The following CACNA1D variants were observed in gnomAD, a reference collection of about 807,000 sequenced individuals.
CACNA1D encodes the protein calcium voltage-gated channel subunit alpha1 D, also known as voltage-dependent L-type calcium channel subunit alpha-1D.
A neutral mutation model predicts 257.1 loss-of-function variants in CACNA1D; 55 were observed. That is an observed-to-expected ratio of 0.21 (90% CI 0.17 to 0.27). CACNA1D has a LOEUF of 0.27. Among genes scored for constraint, CACNA1D ranks in the 10% least tolerant of loss-of-function variants. The probability of loss-of-function intolerance (pLI) is 1.00; values close to 1 mark genes in which losing one functional copy is unlikely to be tolerated. For synonymous variants in CACNA1D, 980 were observed against 1,014.9 expected (o/e 0.97, Z 0.65); for missense variants, 1,876 against 2,784.0 (o/e 0.67, Z 7.34).
At position 53,811,235 on chromosome 3, in the gene CACNA1D, C is replaced by G; in HGVS notation, c.6315C>G (p.Thr2105=). The G allele has an allele frequency of 1.2e-6, 2 of 1,614,068 alleles. No individual in the cohort carries two copies. The highest frequency in any genetic ancestry group is 1.7e-6 in the Non-Finnish European group (2 of 1,180,016). The change falls in exon 48 of 48, where the codon ACC becomes ACG. Residue 2105 remains threonine, a synonymous_variant. Transcript: ENST00000350061. The surrounding 1 kb of genome is among the most constrained non-coding windows in gnomAD (Gnocchi z 4.2). ...ACGAGATGGAGAGTGCAGCCAGCACCCTGCTTAATGGGAACGTGCGTCCCC... is the reference window on the plus strand; with the variant it reads ...ACGAGATGGAGAGTGCAGCCAGCACGCTGCTTAATGGGAACGTGCGTCCCC... The part of the protein sequence containing the change: ...TIDEMESAAS[T]LLNGNVRPRA...
Position 53,811,049 on chromosome 3 carries a change from T to C in CACNA1D, c.6193-64T>C, listed in dbSNP as rs1214568898. The C allele has an allele frequency of 7.6e-7, 1 of 1,318,870 alleles. No homozygotes were observed. Among genetic ancestry groups the C allele is most frequent in the Middle Eastern group, 1.8e-4 (1 of 5,536 alleles). The allele number at this position is 1,318,870 out of a possible 1,614,324, so 81.7% of individuals were successfully genotyped here. On this transcript the variant is annotated intron_variant, in intron 47 of 47. Coordinates refer to ENST00000350061, the MANE Select transcript of CACNA1D (RefSeq NM_001128840.3). The surrounding 1 kb of genome is among the most constrained non-coding windows in gnomAD (Gnocchi z 4.2). ...GTTAGCACTGGAGTTGATTTTTCTG[T>C]CGTCCCCCTGCCCTGCAAAGCCTTA... is the stretch of plus-strand genomic sequence containing the variant.
intron 10 of CACNA1D, 85 bp downstream of exon 10, chr3:53,718,473 G>A: frequency 7.7e-7 from 1 of 1,301,586 alleles, no homozygotes; most frequent in East Asian, 2.4e-5. Flanking sequence ...GGCTGCAGCA[G>A]AGCCCCGGGC....
chr3:53,794,396 A>G (rs1436205461), intron 40 of CACNA1D, among the ~76,000 whole-genome samples: 3 of 152,084 alleles, frequency 2.0e-5, no homozygotes, highest in Admixed American at 1.3e-4. Context: ...GAGATCTTGG[A>G]AGGGCACATA....
chr3:53,690,260 G>A (rs7636496), intron 8 of CACNA1D, among the ~76,000 whole-genome samples: 2,172 of 152,312 alleles, frequency 0.014, 53 homozygotes, highest in African/African-American at 0.049. Flanking sequence ...GTCTGTGCTC[G>A]TACATCCTCA....
chr3:53,595,815 ATG>A (rs2093362793), intron 3 of CACNA1D, among the ~76,000 whole-genome samples: 1 of 152,218 alleles, frequency 6.6e-6, no homozygotes, highest in Non-Finnish European at 1.5e-5. Context: ...TCTAGTCTTC[ATG>A]AGGACATGTG....
chr3:53,686,188 TCAGAATCGCAAA>T (rs1186393529), intron 8 of CACNA1D, among the ~76,000 whole-genome samples: 62 of 152,128 alleles, frequency 4.1e-4, no homozygotes, highest in South Asian at 1.0e-3. Context: ...TAAATGGAAT[TCAGAATCGCAAA>T]CAGAATCGCA....
At chr3:53,582,745 A>G (rs1395288452) in intron 3 of CACNA1D, among the ~76,000 whole-genome samples, 1 of 152,114 alleles carries the variant, frequency 6.6e-6, no homozygotes, top group Non-Finnish European at 1.5e-5. Flanking sequence ...GTCCAATGCT[A>G]TTGGTGCAAG....
intron 3 of CACNA1D, among the ~76,000 whole-genome samples, chr3:53,542,322 G>A (rs1313692597): frequency 6.6e-6 from 1 of 151,988 alleles, no homozygotes; most frequent in Non-Finnish European, 1.5e-5. Context: ...GCTCGTGCCT[G>A]TAATCCCAGC....
At chr3:53,520,886 CTTTCTTTCT>C (rs1370352910) in intron 3 of CACNA1D, among the ~76,000 whole-genome samples, 40 of 87,530 alleles carry the variant, frequency 4.6e-4, no homozygotes, top group East Asian at 1.8e-3. Flanking sequence ...TTCTTTCTTT[CTTTCTTTCT>C]TTTCTTTTCT....
At chr3:53,672,331 G>A (rs942477599) in intron 7 of CACNA1D, among the ~76,000 whole-genome samples, 7 of 152,196 alleles carry the variant, frequency 4.6e-5, no homozygotes, top group Non-Finnish European at 7.4e-5. Context: ...CAAAGAGCCC[G>A]TGGCTTGTGT....
At chr3:53,572,362 GT>G (rs1451533456) in intron 3 of CACNA1D, among the ~76,000 whole-genome samples, 5 of 45,550 alleles carry the variant, frequency 1.1e-4, no homozygotes, top group African/African-American at 1.8e-4. Flanking sequence ...CCTCTGGTTT[GT>G]TTGTTTGTTT....
chr3:53,688,335 G>C (rs2094491390), intron 8 of CACNA1D, among the ~76,000 whole-genome samples: 1 of 152,194 alleles, frequency 6.6e-6, no homozygotes, highest in Admixed American at 6.5e-5. Flanking sequence ...CAAAGGCAGG[G>C]GTCAGAAGTG....
chr3:53,775,829 A>G, intron 34 of CACNA1D, 57 bp from the exon 35 acceptor site: 2 of 1,552,658 alleles, frequency 1.3e-6, no homozygotes, highest in South Asian at 2.2e-5. Context: ...CCTAAGATCT[A>G]AGCTTCAAAT....
chr3:53,673,221 GC>G lies in CACNA1D; in HGVS notation c.1220+97del. 1 of 797,212 alleles carries G rather than the reference GC, an allele frequency of 1.3e-6. No homozygotes were observed. The highest frequency in any genetic ancestry group is 2.1e-6 in the Non-Finnish European group (1 of 473,402). 49.4% of individuals were successfully genotyped at this position (797,212 alleles called of 1,614,324 possible). On this transcript the variant is annotated intron_variant, in intron 8 of 47. Coordinates refer to ENST00000350061, the MANE Select transcript of CACNA1D (RefSeq NM_001128840.3). The surrounding 1 kb of genome is among the most constrained non-coding windows in gnomAD (Gnocchi z 4.1). ...TGGATGAGGGCCGCCAAGAGGGGTT[GC>G]CAGACATTTTATGTGTCCTCTGAGA...
intron 23 of CACNA1D, among the ~76,000 whole-genome samples, chr3:53,745,327 G>A (rs1481881057): frequency 2.0e-5 from 3 of 148,874 alleles, no homozygotes; most frequent in African/African-American, 7.5e-5. Flanking sequence ...TACAACCTCT[G>A]CCTCCTGGGG....
Position 53,722,379 on chromosome 3 carries a change from C to T in CACNA1D, c.1571C>T (p.Thr524Met), listed in dbSNP as rs756586931. The change falls in exon 12 of 48, where the codon ACG becomes ATG. Residue 524 changes from threonine to methionine, a missense_variant. Around this residue, in one of 10 missense-constraint regions of CACNA1D, gnomAD observed 257 missense variants for 399.7 expected, o/e 0.64. Coordinates refer to ENST00000350061, the MANE Select transcript of CACNA1D (RefSeq NM_001128840.3). Reference protein sequence around the residue: ...RRCRAAVKSVTFYWLVIVLVF... With the variant: ...RRCRAAVKSVMFYWLVIVLVF... ...TGTAGGGCCGCCGTGAAGTCTGTCA[C>T]GTTTTACTGGCTGGTTATCGTCCTG... 3.1e-6 allele frequency: 5 copies of T among 1,614,098 alleles called. No homozygotes were observed. The highest frequency in any genetic ancestry group is 1.3e-5 in the African/African-American group (1 of 74,946).
At chr3:53,731,989 C>T in intron 17 of CACNA1D, 27 bp from the exon 18 acceptor site, 2 of 1,461,414 alleles carry the variant, frequency 1.4e-6, no homozygotes, top group Non-Finnish European at 1.9e-6. Flanking sequence ...AGTCTCCCCT[C>T]CTCCCAAGAT....
At position 53,711,635 on chromosome 3, in the gene CACNA1D, G is replaced by A. The variant is rs562061723; in HGVS notation, c.1391-6666G>A. Among the ~76,000 whole-genome samples the A allele has an allele frequency of 2.0e-5, 3 of 152,326 alleles. No homozygotes were observed. In the South Asian group the frequency reaches 6.2e-4, roughly 32 times the overall value. On this transcript the variant is annotated intron_variant, in intron 9 of 47. Coordinates refer to ENST00000350061, the MANE Select transcript of CACNA1D (RefSeq NM_001128840.3). ...AAGCCAACAACTAAGGGAACAGAGG[G>A]GACACACTGTACTCTTTTCTTTGAA...
At chr3:53,692,965 C>T (rs1357462918) in intron 8 of CACNA1D, among the ~76,000 whole-genome samples, 1 of 152,094 alleles carries the variant, frequency 6.6e-6, no homozygotes, top group Non-Finnish European at 1.5e-5. Flanking sequence ...GGCTGAGGCA[C>T]AAGAATTGCT....
Sources: allele counts gnomAD v4.1 joint callset (sites outside exome capture counted in the v4.1 genomes callset), GRCh38; gene constraint gnomAD v4.1.1; regional missense constraint gnomAD v4.1.1; non-coding constraint Gnocchi (gnomAD v3.1); transcripts MANE v1.5; gene names NCBI Gene and HGNC (gene_info 2026-07-23, HGNC 2026-07-21).